Variants in HKDC1 observed in about 807,000 individuals in gnomAD.
HKDC1 encodes the protein hexokinase HKDC1.
Under a neutral mutation model 96.6 loss-of-function variants are expected in HKDC1, and 66 were observed. The observed-to-expected ratio is 0.68, with a 90% CI of 0.56 to 0.84. HKDC1 has a LOEUF of 0.84. HKDC1 is among the 40% of genes least tolerant of loss of function. The pLI is 0.00. For missense variants in HKDC1, 1,211 were observed against 1,208.1 expected (o/e 1.00, Z -0.04); for synonymous variants, 466 against 473.1 (o/e 0.98, Z 0.20).
intron 16 of HKDC1, among the ~76,000 whole-genome samples, chr10:69,262,545 C>T (rs1263125504): frequency 6.6e-6 from 1 of 151,936 alleles, no homozygotes; most frequent in Non-Finnish European, 1.5e-5. Context: ...CATTTGTGTT[C>T]ATTCATTTAA....
At chr10:69,255,882 A>G (rs894288237) in intron 12 of HKDC1, among the ~76,000 whole-genome samples, 2 of 150,628 alleles carry the variant, frequency 1.3e-5, no homozygotes, top group Non-Finnish European at 2.9e-5. Context: ...ACACCATTAC[A>G]CTCCAGCCTA....
At chr10:69,221,836 G>A (rs1031964465) in intron 1 of HKDC1, among the ~76,000 whole-genome samples, 1 of 151,958 alleles carries the variant, frequency 6.6e-6, no homozygotes, top group Non-Finnish European at 1.5e-5. Flanking sequence ...GGGAGGCTGC[G>A]GTGGCAGGAT....
rs572196469 is a variant in HKDC1, at chr10:69,224,521, G to A, written c.64-2686G>A. ...CTGGTCTCGAACTCTGACCTCAGGT[G>A]ATCCACCCGCCTCGGCCTCCCAAAG... On this transcript the variant is annotated intron_variant, in intron 1 of 17. Transcript: ENST00000354624. Among the ~76,000 whole-genome samples, 16 of 152,276 alleles carry A rather than the reference G, an allele frequency of 1.1e-4. No individual in the cohort carries two copies. The South Asian group carries it at 2.7e-3, about 26-fold the overall frequency.
At chr10:69,260,341 A>G (rs1193566092) in intron 15 of HKDC1, among the ~76,000 whole-genome samples, 2 of 152,170 alleles carry the variant, frequency 1.3e-5, no homozygotes, top group Non-Finnish European at 2.9e-5. Flanking sequence ...ATTGCTCCAA[A>G]AAGAAGGGAC....
At chr10:69,229,757 C>T (rs1436983030) in intron 2 of HKDC1, among the ~76,000 whole-genome samples, 4 of 152,164 alleles carry the variant, frequency 2.6e-5, no homozygotes, top group African/African-American at 7.2e-5. Context: ...TCCCCGTCTC[C>T]GCAGAGCCTC....
Position 69,257,151 on chromosome 10 carries a change from C to A in HKDC1, c.1932+20C>A, listed in dbSNP as rs780646828. ...AGAAACGTAGGATGTGGTGTTGAGG[C>A]TCATGCCTGCTCTTGCTGCCTTCCC... is the stretch of plus-strand genomic sequence containing the variant. On this transcript the variant is annotated intron_variant, in intron 13 of 17. Coordinates refer to ENST00000354624, the MANE Select transcript of HKDC1 (RefSeq NM_025130.4). 6.3e-7 allele frequency: 1 copy of A among 1,596,344 alleles called. No homozygotes were observed. Among genetic ancestry groups the A allele is most frequent in the Non-Finnish European group, 8.6e-7 (1 of 1,163,816 alleles).
At chr10:69,234,945 A>C (rs1843337303) in intron 4 of HKDC1, among the ~76,000 whole-genome samples, 2 of 152,248 alleles carry the variant, frequency 1.3e-5, no homozygotes, top group Admixed American at 1.3e-4. Context: ...TTTATAAAGA[A>C]AGGACTGAGA....
At chr10:69,229,509 G>C (rs1436649807) in intron 2 of HKDC1, among the ~76,000 whole-genome samples, 1 of 152,186 alleles carries the variant, frequency 6.6e-6, no homozygotes, top group Non-Finnish European at 1.5e-5. Context: ...GGAGGAAGCA[G>C]CTGAGTCATG....
At chr10:69,233,786 C>T (rs932078092) in intron 4 of HKDC1, among the ~76,000 whole-genome samples, 4 of 150,966 alleles carry the variant, frequency 2.6e-5, no homozygotes, top group East Asian at 3.9e-4. Flanking sequence ...TAGTCCCAGC[C>T]ACTTGGGAGG....
intron 2 of HKDC1, among the ~76,000 whole-genome samples, chr10:69,232,091 T>C (rs7091301): frequency 0.63 from 95,008 of 151,852 alleles, 30,255 homozygotes; most frequent in East Asian, 0.76. Context: ...GATCTGCCCG[T>C]CTCGGCCTCC....
At chr10:69,254,322 T>TG (rs146123943) in intron 12 of HKDC1, among the ~76,000 whole-genome samples, 28,231 of 151,726 alleles carry the variant, frequency 0.19, 3,316 homozygotes, top group Non-Finnish European at 0.25. Flanking sequence ...AAAAAAAAAA[T>TG]TTTTTTAACC....
chr10:69,231,486 C>A (rs183620000), intron 2 of HKDC1, among the ~76,000 whole-genome samples: 3 of 152,092 alleles, frequency 2.0e-5, no homozygotes, highest in Non-Finnish European at 2.9e-5. Context: ...TCCCTGGGAC[C>A]CCCGCTCCCG....
chr10:69,229,499 G>A (rs539492586), intron 2 of HKDC1, among the ~76,000 whole-genome samples: 12 of 152,276 alleles, frequency 7.9e-5, no homozygotes, highest in South Asian at 6.2e-4. Flanking sequence ...GGGGCCCCTG[G>A]GAGGAAGCAG....
chr10:69,240,616 C>T (rs369694587), intron 5 of HKDC1, 36 bp from the exon 6 acceptor site: 148 of 1,570,402 alleles, frequency 9.4e-5, no homozygotes, highest in Middle Eastern at 5.5e-4. Context: ...CACCTCCTTC[C>T]CACCCGCTGA....
chr10:69,242,121 A>G (rs980067301), intron 6 of HKDC1, among the ~76,000 whole-genome samples: 1 of 152,022 alleles, frequency 6.6e-6, no homozygotes, highest in East Asian at 1.9e-4. Flanking sequence ...GCTTTTTCTT[A>G]ATGTCCCTCA....
intron 1 of HKDC1, among the ~76,000 whole-genome samples, chr10:69,223,460 C>A (rs1020249086): frequency 2.0e-5 from 3 of 151,866 alleles, no homozygotes; most frequent in East Asian, 1.9e-4. Flanking sequence ...ATTATCATTA[C>A]AATGTCTTCT....
intron 12 of HKDC1, among the ~76,000 whole-genome samples, chr10:69,256,262 G>A (rs1163349318): frequency 1.2e-4 from 18 of 152,322 alleles, no homozygotes; most frequent in Admixed American, 9.8e-4. Flanking sequence ...CTTTATGGGT[G>A]TATATCATGT....
At chr10:69,227,116 T>C in intron 1 of HKDC1, 91 bp from the exon 2 acceptor site, 1 of 1,405,564 alleles carries the variant, frequency 7.1e-7, no homozygotes, top group Non-Finnish European at 1.0e-6. Context: ...GAGTCAGGAA[T>C]GCAGCTTGCT....
chr10:69,252,128 T>C (rs904038895), intron 12 of HKDC1, among the ~76,000 whole-genome samples: 5 of 152,236 alleles, frequency 3.3e-5, no homozygotes, highest in African/African-American at 1.2e-4. Context: ...TTAGCTGACA[T>C]TGAAGAACAT....
Sources: allele counts gnomAD v4.1 joint callset (sites outside exome capture counted in the v4.1 genomes callset), GRCh38; gene constraint gnomAD v4.1.1; transcripts MANE v1.5; gene names NCBI Gene and HGNC (gene_info 2026-07-23, HGNC 2026-07-21).